The following AGBL4 variants were observed in gnomAD, a reference collection of about 807,000 sequenced individuals.
AGBL4 encodes AGBL carboxypeptidase 4.
Under a neutral mutation model 66.4 loss-of-function variants are expected in AGBL4, and 58 were observed. That is an observed-to-expected ratio of 0.87 (90% CI 0.71 to 1.09). The LOEUF is 1.09. AGBL4 is among the 50% of genes least tolerant of loss of function. AGBL4 has a pLI of 0.00. For synonymous variants in AGBL4, 234 were observed against 222.9 expected (o/e 1.05, Z -0.44); for missense variants, 579 against 631.0 (o/e 0.92, Z 0.88).
At chr1:49,018,080 G>GGTAGGAA (rs1391845183) in intron 5 of AGBL4, among the ~76,000 whole-genome samples, 3 of 152,152 alleles carry the variant, frequency 2.0e-5, no homozygotes, top group African/African-American at 7.2e-5. Flanking sequence ...TAAGGGACCA[G>GGTAGGAA]GTAGGAAGTA....
intron 2 of AGBL4, among the ~76,000 whole-genome samples, chr1:49,844,227 G>A (rs1646077381): frequency 6.6e-6 from 1 of 152,170 alleles, no homozygotes; most frequent in South Asian, 2.1e-4. Context: ...CTGGGTGTCA[G>A]CAGACTTTCC....
chr1:49,929,332 A>T (rs1221210234), intron 1 of AGBL4, among the ~76,000 whole-genome samples: 1 of 152,196 alleles, frequency 6.6e-6, no homozygotes, highest in African/African-American at 2.4e-5. Flanking sequence ...TTGAAAAAAA[A>T]ATCCTAAAGC....
chr1:49,905,704 C>T (rs923046113), intron 1 of AGBL4, among the ~76,000 whole-genome samples: 6 of 151,986 alleles, frequency 3.9e-5, no homozygotes, highest in Non-Finnish European at 7.4e-5. Context: ...TTCAACAGAT[C>T]CTAAAATTAG....
chr1:49,615,733 A>G (rs996595006), intron 3 of AGBL4, among the ~76,000 whole-genome samples: 1 of 152,152 alleles, frequency 6.6e-6, no homozygotes, highest in Non-Finnish European at 1.5e-5. Flanking sequence ...CTCTGGGTCA[A>G]TCAGAATCCT....
intron 3 of AGBL4, among the ~76,000 whole-genome samples, chr1:49,602,338 C>T (rs571739579): frequency 6.6e-6 from 1 of 152,126 alleles, no homozygotes; most frequent in African/African-American, 2.4e-5. Flanking sequence ...GCGATCACAT[C>T]ACTGGGTATA....
At position 48,736,020 on chromosome 1, in the gene AGBL4, T is replaced by C. The variant is rs1648985589; in HGVS notation, c.635-72779A>G. On this transcript the variant is annotated intron_variant, in intron 6 of 13. Coordinates refer to ENST00000371839, the MANE Select transcript of AGBL4 (RefSeq NM_032785.4). The surrounding 1 kb of genome is among the most constrained non-coding windows in gnomAD (Gnocchi z 4.0). ...TCTGTCCCTTTCTCATGCTAATTCC[T>C]TGTGGAATATAATCGTACTTGTGTC... Among the ~76,000 whole-genome samples the C allele has an allele frequency of 6.6e-6, 1 of 152,224 alleles. No individual in the cohort carries two copies. Among genetic ancestry groups the C allele is most frequent in the African/African-American group, 2.4e-5 (1 of 41,466 alleles).
chr1:49,307,788 T>C (rs754257652), intron 3 of AGBL4, among the ~76,000 whole-genome samples: 47 of 152,252 alleles, frequency 3.1e-4, no homozygotes, highest in Middle Eastern at 6.8e-3. Context: ...TTAAGATCTC[T>C]CCAATCTGAT....
chr1:48,723,539 G>A (rs763895193), intron 6 of AGBL4, among the ~76,000 whole-genome samples: 25 of 152,150 alleles, frequency 1.6e-4, no homozygotes, highest in Non-Finnish European at 1.8e-4. Context: ...ACATACAGGC[G>A]AAAATTATAT....
chr1:49,975,917 ACT>A (rs1307868851), intron 1 of AGBL4, among the ~76,000 whole-genome samples: 1 of 152,246 alleles, frequency 6.6e-6, no homozygotes, highest in Non-Finnish European at 1.5e-5. Flanking sequence ...AGCCATGGTA[ACT>A]TTTTTGACTT....
intron 3 of AGBL4, among the ~76,000 whole-genome samples, chr1:49,258,680 T>C (rs926303019): frequency 2.0e-5 from 3 of 152,198 alleles, no homozygotes; most frequent in Admixed American, 6.5e-5. Flanking sequence ...CTGTGTCTGA[T>C]TGGTGCACCT....
chr1:49,123,001 C>A (rs1212046551), intron 4 of AGBL4, among the ~76,000 whole-genome samples: 1 of 151,878 alleles, frequency 6.6e-6, no homozygotes, highest in East Asian at 1.9e-4. Context: ...TTATAGGCAC[C>A]CGCAACCATG....
intron 3 of AGBL4, among the ~76,000 whole-genome samples, chr1:49,587,535 A>G (rs1644674120): frequency 6.6e-6 from 1 of 152,140 alleles, no homozygotes; most frequent in South Asian, 2.1e-4. Flanking sequence ...TATATCCATC[A>G]TAATACTGGC....
At chr1:49,552,879 T>C (rs532683184) in intron 3 of AGBL4, among the ~76,000 whole-genome samples, 1 of 152,322 alleles carries the variant, frequency 6.6e-6, no homozygotes, top group African/African-American at 2.4e-5. Flanking sequence ...CAGTCTAGTA[T>C]GGCTACTCTT....
chr1:49,816,568 G>C (rs754933049), intron 2 of AGBL4, among the ~76,000 whole-genome samples: 12 of 152,068 alleles, frequency 7.9e-5, no homozygotes, highest in South Asian at 2.1e-4. Context: ...AGAGGGCAAG[G>C]GTTCAGGCAA....
At chr1:49,768,161 C>G (rs1216003619) in intron 2 of AGBL4, among the ~76,000 whole-genome samples, 3 of 152,062 alleles carry the variant, frequency 2.0e-5, no homozygotes, top group African/African-American at 7.2e-5. Flanking sequence ...GGTCTCATCT[C>G]TATCTCATTC....
At chr1:49,751,225 T>C (rs893378344) in intron 2 of AGBL4, among the ~76,000 whole-genome samples, 8 of 152,212 alleles carry the variant, frequency 5.3e-5, no homozygotes, top group African/African-American at 9.6e-5. Flanking sequence ...GGGTTTGTCA[T>C]AAATAGCTCT....
At chr1:48,526,347 C>T in the AGBL4 span, among the ~76,000 whole-genome samples, 366 of 152,316 alleles carry the variant, frequency 2.4e-3, 1 homozygote, top group Middle Eastern at 6.8e-3. Context: ...GGTCAGATTC[C>T]TTAGTCTCCC....
At chr1:49,730,270 C>T (rs768714467) in intron 2 of AGBL4, among the ~76,000 whole-genome samples, 7 of 152,126 alleles carry the variant, frequency 4.6e-5, no homozygotes, top group African/African-American at 7.2e-5. Context: ...GGGACAAGAA[C>T]CCAGAACCCA....
chr1:48,812,431 A>G (rs1646072991), intron 6 of AGBL4, among the ~76,000 whole-genome samples: 1 of 152,166 alleles, frequency 6.6e-6, no homozygotes, highest in Non-Finnish European at 1.5e-5. Context: ...CTCCTGGACA[A>G]CACTGCGCTG....
Sources: allele counts gnomAD v4.1 joint callset (sites outside exome capture counted in the v4.1 genomes callset), GRCh38; gene constraint gnomAD v4.1.1; non-coding constraint Gnocchi (gnomAD v3.1); transcripts MANE v1.5; gene names NCBI Gene and HGNC (gene_info 2026-07-23, HGNC 2026-07-21).